FTCDNL1: variants seen among roughly 807,000 people sequenced by gnomAD.
FTCDNL1 encodes the protein formiminotransferase cyclodeaminase N-terminal like, also known as formiminotransferase N-terminal subdomain-containing protein.
FTCDNL1 carries 11 observed loss-of-function variants against 5.9 expected under a neutral mutation model. The observed-to-expected ratio is 1.87, with a 90% confidence interval of 1.18 to 3.10. The LOEUF (loss-of-function observed/expected upper bound fraction) is 3.10, where lower values mean the gene tolerates loss of function less well. Among genes scored for constraint, FTCDNL1 ranks in the 30% most tolerant of loss-of-function variants. The probability of loss-of-function intolerance (pLI) is 0.00; values close to 1 mark genes in which losing one functional copy is unlikely to be tolerated. For missense variants in FTCDNL1, 115 were observed against 65.5 expected (o/e 1.76, Z -2.61); for synonymous variants, 58 against 24.8 (o/e 2.34, Z -3.99).
chr2:199,702,052 C>A, the FTCDNL1 span, among the ~76,000 whole-genome samples: 1 of 151,754 alleles, frequency 6.6e-6, no homozygotes, highest in Non-Finnish European at 1.5e-5. Context: ...AAAATAAAAT[C>A]ATATAATATT....
intron 3 of FTCDNL1, among the ~76,000 whole-genome samples, chr2:199,777,095 C>T (rs1699128471): frequency 6.6e-6 from 1 of 151,764 alleles, no homozygotes; most frequent in African/African-American, 2.4e-5. Context: ...GAGTTCGAGA[C>T]TAGCCTGGCC....
the FTCDNL1 span, among the ~76,000 whole-genome samples, chr2:199,717,206 A>G: frequency 6.6e-6 from 1 of 152,226 alleles, no homozygotes; most frequent in Non-Finnish European, 1.5e-5. Flanking sequence ...CACAAAAAGA[A>G]TTAGAAGCTA....
the FTCDNL1 span, among the ~76,000 whole-genome samples, chr2:199,733,613 G>A: frequency 6.6e-6 from 1 of 152,154 alleles, no homozygotes; most frequent in Non-Finnish European, 1.5e-5. Flanking sequence ...ACATGACATG[G>A]AATTAGAAAC....
chr2:199,740,188 A>G, the FTCDNL1 span, among the ~76,000 whole-genome samples: 1 of 152,256 alleles, frequency 6.6e-6, no homozygotes, highest in Non-Finnish European at 1.5e-5. Flanking sequence ...TATGACTGTT[A>G]GTCATCTTTA....
At chr2:199,754,527 C>T in the FTCDNL1 span, among the ~76,000 whole-genome samples, 1 of 152,136 alleles carries the variant, frequency 6.6e-6, no homozygotes, top group African/African-American at 2.4e-5. Flanking sequence ...AACACTGATG[C>T]CTGGACTAGC....
At chr2:199,828,316 A>G (rs1559228942) in intron 3 of FTCDNL1, among the ~76,000 whole-genome samples, 1 of 152,256 alleles carries the variant, frequency 6.6e-6, no homozygotes, top group Non-Finnish European at 1.5e-5. Flanking sequence ...TCAAATGTCC[A>G]CATCAAGCAA....
rs114964815 is a variant in FTCDNL1, at chr2:199,774,452, A to G, written c.212-13617T>C. Among the ~76,000 whole-genome samples the G allele has an allele frequency of 7.0e-3, 1,071 of 152,218 alleles. 17 individuals carry two copies. The highest frequency in any genetic ancestry group is 0.024 in the African/African-American group (1,006 of 41,512). On this transcript the variant is annotated intron_variant, in intron 3 of 3. Transcript: ENST00000416668. The stretch of plus-strand genomic sequence containing the variant: ...TGTTGGAATTGACTCTATTTGTCTC[A>G]TACTAGGCCAGGACGGGTGGTGGAG...
At chr2:199,848,140 G>A (rs2076778470) in intron 2 of FTCDNL1, among the ~76,000 whole-genome samples, 1 of 152,226 alleles carries the variant, frequency 6.6e-6, no homozygotes, top group South Asian at 2.1e-4. Context: ...GTATTAGTGT[G>A]TGTGTCAAAG....
At chr2:199,826,750 C>T (rs888750422) in intron 3 of FTCDNL1, among the ~76,000 whole-genome samples, 6 of 152,124 alleles carry the variant, frequency 3.9e-5, no homozygotes, top group East Asian at 1.9e-4. Flanking sequence ...GCCGAGATTG[C>T]GCCATTGCAA....
chr2:199,778,774 GT>G (rs1401164433), intron 3 of FTCDNL1, among the ~76,000 whole-genome samples: 5 of 152,138 alleles, frequency 3.3e-5, no homozygotes, highest in Admixed American at 3.3e-4. Flanking sequence ...TTTTCCCTTT[GT>G]GGCTGAAAAT....
intron 3 of FTCDNL1, among the ~76,000 whole-genome samples, chr2:199,791,215 T>G (rs550251687): frequency 6.6e-6 from 1 of 152,084 alleles, no homozygotes; most frequent in Non-Finnish European, 1.5e-5. Flanking sequence ...TATAATTGTA[T>G]GAAAATAGAG....
intron 3 of FTCDNL1, among the ~76,000 whole-genome samples, chr2:199,826,052 A>G (rs1189297673): frequency 6.6e-6 from 1 of 152,228 alleles, no homozygotes; most frequent in Non-Finnish European, 1.5e-5. Context: ...GTGATGCCCA[A>G]AAACCTGTCC....
intron 3 of FTCDNL1, among the ~76,000 whole-genome samples, chr2:199,773,267 T>C (rs796725370): frequency 6.6e-6 from 1 of 152,166 alleles, no homozygotes; most frequent in Non-Finnish European, 1.5e-5. Flanking sequence ...ACTATACGTA[T>C]ATGCATATAC....
At chr2:199,821,149 TTTTGTTTG>T (rs369470548) in intron 3 of FTCDNL1, among the ~76,000 whole-genome samples, 3 of 152,000 alleles carry the variant, frequency 2.0e-5, no homozygotes, top group Non-Finnish European at 4.4e-5. Flanking sequence ...TTTGGTGGTT[TTTTGTTTG>T]TTTGTTTTTT....
At chr2:199,770,916 C>T (rs746331169) in intron 3 of FTCDNL1, among the ~76,000 whole-genome samples, 5 of 152,184 alleles carry the variant, frequency 3.3e-5, no homozygotes, top group Admixed American at 2.0e-4. Context: ...TGCACAGAGC[C>T]GTAAGCTCTT....
the FTCDNL1 span, among the ~76,000 whole-genome samples, chr2:199,698,470 G>A: frequency 6.6e-6 from 1 of 151,518 alleles, no homozygotes; most frequent in Admixed American, 6.6e-5. Flanking sequence ...ATGTCAAGAG[G>A]ATCTCTCAAA....
the FTCDNL1 span, among the ~76,000 whole-genome samples, chr2:199,735,590 T>C: frequency 2.0e-5 from 3 of 152,162 alleles, no homozygotes; most frequent in Non-Finnish European, 2.9e-5. Context: ...CATTTCCATC[T>C]GTCCTCAGGT....
chr2:199,841,658 T>TA (rs1006044868), intron 3 of FTCDNL1, among the ~76,000 whole-genome samples: 11 of 151,680 alleles, frequency 7.3e-5, no homozygotes, highest in African/African-American at 1.2e-4. Context: ...TGACAGCATG[T>TA]AAAAAAAATG....
chr2:199,793,921 A>G (rs1278939227), intron 3 of FTCDNL1, among the ~76,000 whole-genome samples: 1 of 152,208 alleles, frequency 6.6e-6, no homozygotes, highest in Non-Finnish European at 1.5e-5. Context: ...GTTAGTTCAA[A>G]GTGTAGGACC....
Sources: allele counts gnomAD v4.1 joint callset (sites outside exome capture counted in the v4.1 genomes callset), GRCh38; gene constraint gnomAD v4.1.1; transcripts MANE v1.5; gene names NCBI Gene and HGNC (gene_info 2026-07-23, HGNC 2026-07-21).